CAMTA1: variants seen among roughly 807,000 people sequenced by gnomAD.
The protein encoded by CAMTA1 is calmodulin-binding transcription activator 1.
Under a neutral mutation model 170.9 loss-of-function variants are expected in CAMTA1, and 27 were observed. The observed-to-expected ratio is 0.16, with a 90% CI of 0.12 to 0.22. CAMTA1 has a LOEUF of 0.22. Ranked by LOEUF, CAMTA1 falls within the 10% of genes least tolerant of loss-of-function variation. The pLI, the probability that CAMTA1 is intolerant of heterozygous loss-of-function variation, is 1.00. For missense variants in CAMTA1, 1,619 were observed against 2,217.2 expected (o/e 0.73, Z 5.42); for synonymous variants, 833 against 891.5 (o/e 0.93, Z 1.17).
chr1:7,748,080 T>C lies in CAMTA1; in HGVS notation c.4689+299T>C, dbSNP rs2096869868. On this transcript the variant is annotated intron_variant, in intron 19 of 22. Transcript: ENST00000303635. This position sits in a 1 kb window ranked among gnomAD's most constrained non-coding sequence, Gnocchi z 4.7. The stretch of plus-strand genomic sequence containing the variant: ...GGCGTGTGCTACCATGCCCAGCTGA[T>C]TTTTCTAGTTTTAGTAGAGTCGGGG... Among the ~76,000 whole-genome samples the C allele has an allele frequency of 6.6e-6, 1 of 151,994 alleles. No homozygotes were observed. Among genetic ancestry groups the C allele is most frequent in the Non-Finnish European group, 1.5e-5 (1 of 67,996 alleles).
At chr1:7,096,684 A>G (rs1402563442) in intron 4 of CAMTA1, among the ~76,000 whole-genome samples, 1 of 151,444 alleles carries the variant, frequency 6.6e-6, no homozygotes. Flanking sequence ...TCACATCCTC[A>G]TTTTCGTATG....
Position 7,467,039 on chromosome 1 carries a change from C to T in CAMTA1, c.439-791C>T, listed in dbSNP as rs1038077965. 7.2e-5 allele frequency among the ~76,000 whole-genome samples: 11 copies of T among 152,074 alleles called. 1 individual carries two copies. In the South Asian group the frequency reaches 1.0e-3, roughly 14 times the overall value. On this transcript the variant is annotated intron_variant, in intron 5 of 22. Transcript: ENST00000303635. ...GCAGCACCAGAGAATCAGAGCAGGG[C>T]GGCCTTCCTCACCAACATGCCAGCC...
chr1:7,057,329 G>A (rs1037990836), intron 3 of CAMTA1, among the ~76,000 whole-genome samples: 5 of 152,186 alleles, frequency 3.3e-5, no homozygotes, highest in Non-Finnish European at 7.3e-5. Context: ...TGGATCTTTC[G>A]AAGCACCTGC....
chr1:6,919,789 G>A (rs1370492470), intron 3 of CAMTA1, among the ~76,000 whole-genome samples: 8 of 152,184 alleles, frequency 5.3e-5, no homozygotes, highest in Non-Finnish European at 7.4e-5. Context: ...AAGAGCTTGT[G>A]CAGGGAAACT....
chr1:7,381,039 T>C (rs544169638), intron 5 of CAMTA1, among the ~76,000 whole-genome samples: 1 of 152,234 alleles, frequency 6.6e-6, no homozygotes, highest in African/African-American at 2.4e-5. Context: ...TAGGAAAATG[T>C]GCTCTGGAGT....
In CAMTA1 at chr1:7,455,441, T is replaced by C. The variant is rs996815376; in HGVS notation, c.439-12389T>C. 5.9e-5 allele frequency among the ~76,000 whole-genome samples: 9 copies of C among 152,214 alleles called. No individual in the cohort carries two copies. The highest frequency in any genetic ancestry group is 2.2e-4 in the African/African-American group (9 of 41,458). ...GAGAGAGTAATTCTAACCTTAAAAATCTGCTGATGAAAGCTGGTTTCAGGA... is the reference window on the plus strand; with the variant it reads ...GAGAGAGTAATTCTAACCTTAAAAACCTGCTGATGAAAGCTGGTTTCAGGA... On this transcript the variant is annotated intron_variant, in intron 5 of 22. Coordinates refer to ENST00000303635, the MANE Select transcript of CAMTA1 (RefSeq NM_015215.4). This position sits in a 1 kb window ranked among gnomAD's most constrained non-coding sequence, Gnocchi z 5.0.
chr1:7,737,994 T>C lies in CAMTA1; in HGVS notation c.3694T>C (p.Tyr1232His). ...ACCTCGTTCTGAACCCTCTAATTAC[T>C]ACAGCAGTGAGAGCCACAAAGATTA... ...RRPRSEPSNYYSSESHKDYPA... is the reference protein window; with the variant it reads ...RRPRSEPSNYHSSESHKDYPA... Residue 1232 changes from tyrosine to histidine, a missense_variant, in exon 16 of 23, where the codon TAC becomes CAC. Around this residue, in one of 8 missense-constraint regions of CAMTA1, gnomAD observed 370 missense variants for 429.4 expected, o/e 0.86. Transcript: ENST00000303635. The C allele has an allele frequency of 6.2e-7, 1 of 1,613,888 alleles. No individual in the cohort carries two copies. The highest frequency in any genetic ancestry group is 8.5e-7 in the Non-Finnish European group (1 of 1,179,882).
intron 9 of CAMTA1, 96 bp from the exon 10 acceptor site, chr1:7,670,815 C>T (rs1420375396): frequency 1.8e-5 from 25 of 1,412,008 alleles, no homozygotes; most frequent in Admixed American, 3.6e-5. Context: ...GGGGTACAGA[C>T]CCCCATCTGA....
intron 3 of CAMTA1, among the ~76,000 whole-genome samples, chr1:6,856,926 G>T (rs1243330433): frequency 3.1e-4 from 47 of 152,090 alleles, no homozygotes; most frequent in Admixed American, 3.1e-3. Flanking sequence ...GGTCTCTAGA[G>T]GGTAGGGGGA....
intron 4 of CAMTA1, among the ~76,000 whole-genome samples, chr1:7,132,331 GGTGT>G (rs1421439765): frequency 5.3e-5 from 8 of 152,074 alleles, no homozygotes; most frequent in Non-Finnish European, 1.0e-4. Context: ...GGAGTGCAGT[GGTGT>G]GTGATCATAG....
chr1:7,380,977 C>T (rs1365903038), intron 5 of CAMTA1, among the ~76,000 whole-genome samples: 1 of 151,976 alleles, frequency 6.6e-6, no homozygotes, highest in African/African-American at 2.4e-5. Flanking sequence ...ATCATAATGC[C>T]CTAAGGTCAT....
intron 6 of CAMTA1, among the ~76,000 whole-genome samples, chr1:7,568,454 C>T (rs1425631414): frequency 6.6e-6 from 1 of 150,828 alleles, no homozygotes; most frequent in Non-Finnish European, 1.5e-5. Flanking sequence ...ATCACCACAT[C>T]ACCATCACCA....
intron 6 of CAMTA1, among the ~76,000 whole-genome samples, chr1:7,637,556 A>C (rs2095723147): frequency 6.6e-6 from 1 of 152,152 alleles, no homozygotes; most frequent in South Asian, 2.1e-4. Flanking sequence ...CAAAGGGCAT[A>C]GCAGATCTAC....
At chr1:7,103,824 GCA>G (rs1643160136) in intron 4 of CAMTA1, among the ~76,000 whole-genome samples, 1 of 94,268 alleles carries the variant, frequency 1.1e-5, no homozygotes, top group African/African-American at 6.4e-5. Flanking sequence ...CTACACACAT[GCA>G]CACACAACTA....
chr1:7,263,207 G>A (rs1397454340), intron 5 of CAMTA1, among the ~76,000 whole-genome samples: 2 of 152,118 alleles, frequency 1.3e-5, no homozygotes, highest in Non-Finnish European at 2.9e-5. Context: ...CCTCCAGATG[G>A]AAGCATGGTA....
chr1:7,026,717 G>A (rs770653273), intron 3 of CAMTA1, among the ~76,000 whole-genome samples: 48 of 142,292 alleles, frequency 3.4e-4, no homozygotes, highest in Non-Finnish European at 5.7e-4. Flanking sequence ...TGCAACCGCC[G>A]CCTCCCAGGT....
intron 5 of CAMTA1, among the ~76,000 whole-genome samples, chr1:7,279,982 C>T (rs951908174): frequency 1.3e-5 from 2 of 152,208 alleles, no homozygotes; most frequent in Non-Finnish European, 2.9e-5. Context: ...AGGTCCAGAG[C>T]GGGAGGGAGT....
At chr1:7,759,729 G>T (rs1020148403) in intron 22 of CAMTA1, among the ~76,000 whole-genome samples, 1 of 152,130 alleles carries the variant, frequency 6.6e-6, no homozygotes, top group Non-Finnish European at 1.5e-5. Context: ...TTATTCAGTT[G>T]CATAGAGAAA....
chr1:7,679,890 A>G (rs2096169980), intron 11 of CAMTA1, among the ~76,000 whole-genome samples: 1 of 152,204 alleles, frequency 6.6e-6, no homozygotes, highest in South Asian at 2.1e-4. Flanking sequence ...GGTCTGGGCC[A>G]GTTGTCCTTT....
Sources: gnomAD v4.1 joint callset for allele counts (sites outside exome capture counted in the v4.1 genomes callset) on GRCh38, gnomAD v4.1.1 for gene constraint, gnomAD v4.1.1 regional missense constraint, Gnocchi (gnomAD v3.1) non-coding constraint, MANE v1.5 for transcripts, NCBI Gene and HGNC (gene_info 2026-07-23, HGNC 2026-07-21) for gene names.